The following TMEM74 variants were observed in gnomAD, a reference collection of about 807,000 sequenced individuals.
TMEM74 encodes transmembrane protein 74.
A neutral mutation model predicts 18.1 loss-of-function variants in TMEM74; 13 were observed. That is an observed-to-expected ratio of 0.72 (90% CI 0.47 to 1.14). The LOEUF (loss-of-function observed/expected upper bound fraction) is 1.14. Among genes scored for constraint, TMEM74 ranks in the 50% most tolerant of loss-of-function variants. The pLI, the probability that TMEM74 is intolerant of heterozygous loss-of-function variation, is 0.00. For synonymous variants in TMEM74, 159 were observed against 146.6 expected, an observed-to-expected ratio of 1.08 and a Z score of -0.61; for missense variants, 372 against 375.9, an observed-to-expected ratio of 0.99 and a Z score of 0.09.
intron 1 of TMEM74, among the ~76,000 whole-genome samples, chr8:108,760,163 A>AGAGAGAGAGAGG (rs879338300): frequency 8.8e-4 from 134 of 151,528 alleles, no homozygotes; most frequent in Non-Finnish European, 1.7e-3. Flanking sequence ...AGAGAGAGAG[A>AGAGAGAGAGAGG]GAGAGAGAGA....
intron 3 of TMEM74, among the ~76,000 whole-genome samples, chr8:108,608,199 G>A (rs1812297703): frequency 1.3e-5 from 2 of 151,556 alleles, no homozygotes; most frequent in Admixed American, 6.6e-5. Flanking sequence ...CTATTCGAGA[G>A]GCTGAGGCAG....
At chr8:108,677,413 C>T (rs892944897) in intron 1 of TMEM74, among the ~76,000 whole-genome samples, 2 of 151,884 alleles carry the variant, frequency 1.3e-5, no homozygotes, top group African/African-American at 2.4e-5. Context: ...ATGTATTATA[C>T]GTATCAGTGA....
chr8:108,763,346 T>G (rs940538002), intron 1 of TMEM74, among the ~76,000 whole-genome samples: 5 of 152,132 alleles, frequency 3.3e-5, no homozygotes, highest in African/African-American at 1.2e-4. Flanking sequence ...ATGTTAACTG[T>G]GCCTCTAAAG....
chr8:108,718,149 G>A (rs1029718973), intron 1 of TMEM74, among the ~76,000 whole-genome samples: 5 of 111,526 alleles, frequency 4.5e-5, no homozygotes, highest in Admixed American at 8.7e-5. Flanking sequence ...TAGTAGAGAC[G>A]GGGTTTCACC....
At position 108,787,546 on chromosome 8, in the gene TMEM74, C is replaced by A. The variant is rs1370183341; in HGVS notation, c.-110G>T. The A allele has an allele frequency of 1.3e-5, 2 of 152,244 alleles. No individual in the cohort carries two copies. Among genetic ancestry groups the A allele is most frequent in the African/African-American group, 4.8e-5 (2 of 41,444 alleles). 9.4% of individuals were successfully genotyped at this position (152,244 alleles called of 1,614,324 possible). A position where few individuals can be genotyped will look rare whatever the true frequency, so the allele number is the denominator to read the frequency against. On this transcript the variant is annotated 5_prime_UTR_variant, in exon 1 of 2. Transcript: ENST00000297459. ...CCGGCACGGTTCCCGGAGAAAGTCC[C>A]CCAATCACCAGCTACGGCACTTGTA...
intron 2 of TMEM74, among the ~76,000 whole-genome samples, chr8:108,616,384 A>C (rs1303203687): frequency 6.6e-6 from 1 of 152,222 alleles, no homozygotes; most frequent in Non-Finnish European, 1.5e-5. Context: ...TACAATGCTT[A>C]GCTACAATCT....
intron 2 of TMEM74, among the ~76,000 whole-genome samples, chr8:108,623,757 G>C (rs1018117374): frequency 6.6e-6 from 1 of 151,958 alleles, no homozygotes; most frequent in Non-Finnish European, 1.5e-5. Flanking sequence ...TTCTCAAAGA[G>C]CCAGAATGTC....
intron 2 of TMEM74, among the ~76,000 whole-genome samples, chr8:108,639,433 T>TTA (rs1812640944): frequency 6.6e-6 from 1 of 152,114 alleles, no homozygotes; most frequent in South Asian, 2.1e-4. Context: ...GACTAGTTCT[T>TTA]TATACACACA....
intron 1 of TMEM74, among the ~76,000 whole-genome samples, chr8:108,787,150 C>A (rs1348142643): frequency 6.6e-6 from 1 of 152,150 alleles, no homozygotes; most frequent in South Asian, 2.1e-4. Context: ...CATCTGTCAT[C>A]AATTAAAAGC....
chr8:108,715,270 T>C (rs915272782), intron 1 of TMEM74, among the ~76,000 whole-genome samples: 6 of 151,846 alleles, frequency 4.0e-5, no homozygotes, highest in Admixed American at 2.6e-4. Flanking sequence ...TGCTGGAGGC[T>C]ACTAGTGGGA....
intron 1 of TMEM74, among the ~76,000 whole-genome samples, chr8:108,727,614 A>C (rs1813652074): frequency 6.6e-6 from 1 of 152,194 alleles, no homozygotes. Context: ...ATAGATATAT[A>C]AGTAGAGGTG....
rs552820277 is a variant in TMEM74 at position 108,690,710 on chromosome 8, T to G, written n.120-35273A>C. 5.7e-4 allele frequency among the ~76,000 whole-genome samples: 87 copies of G among 152,172 alleles called. 1 individual carries two copies. Among genetic ancestry groups the G allele is most frequent in the Non-Finnish European group, 3.2e-4 (22 of 67,990 alleles). On this transcript the variant is annotated intron_variant and non_coding_transcript_variant, in intron 1 of 3. Coordinates refer to the TMEM74 transcript ENST00000518838. ...GGTGGCAGGCGCCTGTAGCCCCAGC[T>G]ACTCAGGAGGCTGAGGCAGGAGAAT...
chr8:108,694,556 T>G (rs1298424216), intron 1 of TMEM74, among the ~76,000 whole-genome samples: 1 of 152,190 alleles, frequency 6.6e-6, no homozygotes, highest in Non-Finnish European at 1.5e-5. Flanking sequence ...CTTTTGTGAA[T>G]GTAGGAGCTG....
At chr8:108,777,045 A>T (rs1814242178), downstream of TMEM74, among the ~76,000 whole-genome samples, 1 of 152,130 alleles carries the variant, frequency 6.6e-6, no homozygotes, top group South Asian at 2.1e-4. Flanking sequence ...CCAGAAAAGG[A>T]TTTGTTTTCA....
intron 1 of TMEM74, among the ~76,000 whole-genome samples, chr8:108,759,106 T>C (rs1303261871): frequency 6.6e-6 from 1 of 152,038 alleles, no homozygotes; most frequent in Non-Finnish European, 1.5e-5. Flanking sequence ...TTAAAAATTG[T>C]GGGAATAATA....
chr8:108,736,640 G>C (rs996392907), intron 1 of TMEM74, among the ~76,000 whole-genome samples: 2 of 151,744 alleles, frequency 1.3e-5, no homozygotes, highest in Non-Finnish European at 2.9e-5. Context: ...ATCTAGGGAA[G>C]ACGCTGTCTC....
intron 1 of TMEM74, among the ~76,000 whole-genome samples, chr8:108,671,296 C>G (rs1210023957): frequency 6.6e-6 from 1 of 152,138 alleles, no homozygotes; most frequent in East Asian, 1.9e-4. Context: ...CCCACAATAT[C>G]TTGGTTTTCT....
intron 1 of TMEM74, among the ~76,000 whole-genome samples, chr8:108,730,371 A>C (rs935450795): frequency 2.0e-5 from 3 of 152,100 alleles, no homozygotes; most frequent in Non-Finnish European, 4.4e-5. Flanking sequence ...AAACAGTAGC[A>C]ATTTGTTATG....
intron 1 of TMEM74, among the ~76,000 whole-genome samples, chr8:108,659,755 T>C (rs1164449632): frequency 6.6e-6 from 1 of 152,178 alleles, no homozygotes; most frequent in Non-Finnish European, 1.5e-5. Flanking sequence ...CAAGGAGGAC[T>C]TGTATCCAGT....
Sources: allele counts gnomAD v4.1 joint callset (sites outside exome capture counted in the v4.1 genomes callset), GRCh38; gene constraint gnomAD v4.1.1; transcripts MANE v1.5; gene names NCBI Gene and HGNC (gene_info 2026-07-23, HGNC 2026-07-21).